TBC1D22A: variants seen among roughly 807,000 people sequenced by gnomAD.
The protein encoded by TBC1D22A is putative GTPase activator.
Under a neutral mutation model 60.2 loss-of-function variants are expected in TBC1D22A, and 38 were observed. The observed-to-expected ratio is 0.63, with a 90% CI of 0.49 to 0.83. The LOEUF is 0.83. Among genes scored for constraint, TBC1D22A ranks in the 40% least tolerant of loss-of-function variants. The pLI, the probability that TBC1D22A is intolerant of heterozygous loss-of-function variation, is 0.00. For missense variants in TBC1D22A, 628 were observed against 701.0 expected (o/e 0.90, Z 1.18); for synonymous variants, 302 against 281.7 (o/e 1.07, Z -0.72).
intron 4 of TBC1D22A, among the ~76,000 whole-genome samples, chr22:46,799,039 G>GT (rs5845767): frequency 0.56 from 84,469 of 150,582 alleles, 24,078 homozygotes; most frequent in Middle Eastern, 0.71. Flanking sequence ...CCTTATGTTT[G>GT]TTTTTTTTTG....
intron 11 of TBC1D22A, among the ~76,000 whole-genome samples, chr22:47,096,563 T>C (rs1048593095): frequency 1.3e-5 from 2 of 152,244 alleles, no homozygotes; most frequent in Non-Finnish European, 2.9e-5. Context: ...GGCTCATGCC[T>C]GTAATCCCAG....
intron 11 of TBC1D22A, among the ~76,000 whole-genome samples, chr22:47,088,452 G>A (rs1317842918): frequency 3.3e-5 from 5 of 152,142 alleles, no homozygotes; most frequent in African/African-American, 1.2e-4. Flanking sequence ...CAGTTTATTA[G>A]AACATACCAA....
chr22:46,820,942 G>T (rs942272721), intron 4 of TBC1D22A, among the ~76,000 whole-genome samples: 3 of 151,938 alleles, frequency 2.0e-5, no homozygotes, highest in African/African-American at 7.3e-5. Flanking sequence ...AGAATAGTTA[G>T]CTCTTCTTGT....
intron 4 of TBC1D22A, among the ~76,000 whole-genome samples, chr22:46,819,890 T>C (rs1180825428): frequency 6.6e-6 from 1 of 152,228 alleles, no homozygotes; most frequent in East Asian, 1.9e-4. Context: ...GTTGGTAGGC[T>C]ATTAATTACT....
chr22:46,894,869 A>G (rs760960138), intron 7 of TBC1D22A, 23 bp downstream of exon 7: 1 of 1,613,922 alleles, frequency 6.2e-7, no homozygotes, highest in African/African-American at 1.3e-5. Flanking sequence ...TGCCGTGGGG[A>G]GTTCCCCTCG....
intron 11 of TBC1D22A, among the ~76,000 whole-genome samples, chr22:47,088,847 G>A (rs956038767): frequency 3.9e-5 from 6 of 152,174 alleles, no homozygotes; most frequent in African/African-American, 7.2e-5. Context: ...CTTCTGATGC[G>A]GTGAAATGTG....
At position 46,861,063 on chromosome 22, in the gene TBC1D22A, TTCTCCTA is replaced by T. The variant is rs1380588131; in HGVS notation, c.638-17585_638-17579del. ...GTCTCTGCCTCCCGGGTTCAAGCCA[TTCTCCTA>T]TCTCAGCCTCCCGAGTAGCTGGGAC... On this transcript the variant is annotated intron_variant, in intron 4 of 12. Coordinates refer to ENST00000337137, the MANE Select transcript of TBC1D22A (RefSeq NM_014346.5). 7.9e-5 allele frequency among the ~76,000 whole-genome samples: 12 copies of T among 152,294 alleles called. 2 individuals carry two copies. Among genetic ancestry groups the T allele is most frequent in the Admixed American group, 7.8e-4 (12 of 15,310 alleles).
intron 8 of TBC1D22A, among the ~76,000 whole-genome samples, chr22:46,923,938 C>T (rs1364574909): frequency 1.3e-5 from 2 of 152,052 alleles, no homozygotes; most frequent in African/African-American, 4.8e-5. Context: ...GTTTTTCTTT[C>T]CTTTAGGCAT....
chr22:46,906,812 T>TGTGTGTGTGTGC (rs1381501186), intron 7 of TBC1D22A, among the ~76,000 whole-genome samples: 1 of 148,974 alleles, frequency 6.7e-6, no homozygotes, highest in African/African-American at 2.5e-5. Flanking sequence ...TGTGTGTGTG[T>TGTGTGTGTGTGC]GCTCTAGGTG....
intron 1 of TBC1D22A, chr22:46,789,592 G>A (rs2084319685): frequency 5.8e-6 from 1 of 173,754 alleles, no homozygotes; most frequent in Non-Finnish European, 1.3e-5. Flanking sequence ...AAAAATCTTA[G>A]AATATAAAAG....
chr22:47,103,056 C>T (rs1342033942), intron 11 of TBC1D22A, among the ~76,000 whole-genome samples: 3 of 152,164 alleles, frequency 2.0e-5, no homozygotes, highest in African/African-American at 7.2e-5. Flanking sequence ...AAACCCTCAC[C>T]CTCACCCCAG....
Position 46,878,735 on chromosome 22 carries a change from C to T in TBC1D22A, c.708+12C>T, listed in dbSNP as rs147051117. 32 of 1,612,538 alleles carry T rather than the reference C, an allele frequency of 2.0e-5. No individual in the cohort carries two copies. The East Asian group carries it at 3.8e-4, about 19-fold the overall frequency. On this transcript the variant is annotated intron_variant, in intron 5 of 12. Coordinates refer to ENST00000337137, the MANE Select transcript of TBC1D22A (RefSeq NM_014346.5). ...GGAAGCTCCTCTCAGTAAGTCCCACCGCACCGCCCATCAGCGCCTCCTTCC... is the reference window on the plus strand; with the variant it reads ...GGAAGCTCCTCTCAGTAAGTCCCACTGCACCGCCCATCAGCGCCTCCTTCC...
At chr22:47,047,813 A>G (rs1385433743) in intron 11 of TBC1D22A, among the ~76,000 whole-genome samples, 1 of 152,188 alleles carries the variant, frequency 6.6e-6, no homozygotes, top group Non-Finnish European at 1.5e-5. Flanking sequence ...TGCATTCTCC[A>G]GGCTCCTGCC....
chr22:47,107,206 A>G (rs1390001413), intron 11 of TBC1D22A, among the ~76,000 whole-genome samples: 1 of 152,196 alleles, frequency 6.6e-6, no homozygotes, highest in African/African-American at 2.4e-5. Flanking sequence ...GGGCATTAGA[A>G]TGTAGAGGGA....
chr22:47,076,899 C>T (rs528718002), intron 11 of TBC1D22A, among the ~76,000 whole-genome samples: 1 of 152,282 alleles, frequency 6.6e-6, no homozygotes, highest in East Asian at 1.9e-4. Context: ...TAATGTGCTA[C>T]CTCATAGTCC....
chr22:46,829,316 C>G (rs941940579), intron 4 of TBC1D22A, among the ~76,000 whole-genome samples: 6 of 152,070 alleles, frequency 3.9e-5, no homozygotes, highest in Non-Finnish European at 8.8e-5. Flanking sequence ...TACGTAGGTA[C>G]CTGGTGAAAT....
intron 1 of TBC1D22A, among the ~76,000 whole-genome samples, chr22:46,783,561 T>A (rs1305688477): frequency 6.6e-6 from 1 of 150,828 alleles, no homozygotes; most frequent in African/African-American, 2.5e-5. Flanking sequence ...TTCTGAGTTT[T>A]GTGTTTCCAT....
At chr22:46,911,932 A>C (rs5767409) in intron 7 of TBC1D22A, 142 bp from the exon 8 acceptor site, 63,783 of 533,934 alleles carry the variant, frequency 0.12, 1,998 homozygotes, top group African/African-American at 0.26. Flanking sequence ...AAAAAAAAAA[A>C]ATTGATATTT....
At chr22:47,066,670 G>A (rs1299805748) in intron 11 of TBC1D22A, among the ~76,000 whole-genome samples, 1 of 152,178 alleles carries the variant, frequency 6.6e-6, no homozygotes, top group South Asian at 2.1e-4. Flanking sequence ...ACCTTGGCAC[G>A]CAGCAGCTCG....
Sources: gnomAD v4.1 joint callset for allele counts (sites outside exome capture counted in the v4.1 genomes callset) on GRCh38, gnomAD v4.1.1 for gene constraint, MANE v1.5 for transcripts, NCBI Gene and HGNC (gene_info 2026-07-23, HGNC 2026-07-21) for gene names.